ADD2: variants seen among roughly 807,000 people sequenced by gnomAD.
ADD2 encodes the protein adducin 2.
ADD2 carries 23 observed loss-of-function variants against 83.0 expected under a neutral mutation model. That is an observed-to-expected ratio of 0.28 (90% CI 0.20 to 0.39). ADD2 has a LOEUF of 0.39. ADD2 is among the 10% of genes least tolerant of loss of function. The pLI, the probability that ADD2 is intolerant of heterozygous loss-of-function variation, is 1.00. For synonymous variants in ADD2, 375 were observed against 375.4 expected (o/e 1.00, Z 0.01); for missense variants, 758 against 944.9 (o/e 0.80, Z 2.59).
intron 1 of ADD2, among the ~76,000 whole-genome samples, chr2:70,763,425 C>G (rs1259555171): frequency 2.0e-5 from 3 of 152,116 alleles, no homozygotes; most frequent in East Asian, 3.9e-4. Context: ...TTCCAAGAAT[C>G]TGTGTGTGTC....
At chr2:70,704,264 C>CCCCCCCCCCCCCCCCCCCCCCCCCCCA in intron 4 of ADD2, 57 bp downstream of exon 4, 2 of 425,204 alleles carry the variant, frequency 4.7e-6, no homozygotes, top group Non-Finnish European at 9.6e-6. Context: ...TCCCTCTCTT[C>CCCCCCCCCCCCCCCCCCCCCCCCCCCA]CCCACCCCAC....
At chr2:70,681,015 A>C (rs1325453610) in intron 10 of ADD2, among the ~76,000 whole-genome samples, 1 of 152,180 alleles carries the variant, frequency 6.6e-6, no homozygotes. Flanking sequence ...TGTAAAACTG[A>C]TGAAAGACCA....
chr2:70,704,229 G>A, intron 4 of ADD2, 92 bp downstream of exon 4: 20 of 1,469,804 alleles, frequency 1.4e-5, no homozygotes, highest in Non-Finnish European at 1.8e-5. Context: ...CCATAGCCTG[G>A]CAACCAGATG....
At chr2:70,687,651 T>C (rs1670808582) in intron 9 of ADD2, among the ~76,000 whole-genome samples, 1 of 152,122 alleles carries the variant, frequency 6.6e-6, no homozygotes, top group African/African-American at 2.4e-5. Context: ...TGTGTGTCTG[T>C]TGGGCATAGG....
rs1256991701 is a variant in ADD2, at chr2:70,663,187, C to A, written c.*238G>T. On this transcript the variant is annotated 3_prime_UTR_variant, in exon 16 of 16. Coordinates refer to ENST00000264436, the MANE Select transcript of ADD2 (RefSeq NM_001617.4). ...GAGCACTGGACTGGAAGTCAGGAGACCTGAATTCGAGTGCAGGCTCTGCCG... is the reference window on the plus strand; with the variant it reads ...GAGCACTGGACTGGAAGTCAGGAGAACTGAATTCGAGTGCAGGCTCTGCCG... 1.9e-6 allele frequency: 1 copy of A among 513,302 alleles called. No individual in the cohort carries two copies. Among genetic ancestry groups the A allele is most frequent in the African/African-American group, 1.9e-5 (1 of 52,260 alleles). The allele number at this position is 513,302 out of a possible 1,614,324, so 31.8% of individuals were successfully genotyped here.
At chr2:70,767,774 C>T (rs2104581219) in intron 1 of ADD2, 112 bp downstream of exon 1, 3 of 1,465,158 alleles carry the variant, frequency 2.0e-6, no homozygotes, top group Middle Eastern at 2.2e-4. Context: ...CGGCAACAGA[C>T]GCGCCCCACC....
intron 10 of ADD2, among the ~76,000 whole-genome samples, chr2:70,682,569 G>A (rs1236494451): frequency 6.6e-6 from 1 of 152,176 alleles, no homozygotes; most frequent in African/African-American, 2.4e-5. Context: ...TGGGAAAAAT[G>A]AATCAGATGG....
rs1670181414 is a variant in ADD2, at chr2:70,676,948, G to A, written c.1504-63C>T. On this transcript the variant is annotated intron_variant, in intron 12 of 15. Transcript: ENST00000264436. The surrounding 1 kb of genome is among the most constrained non-coding windows in gnomAD (Gnocchi z 4.8). Reference sequence around the variant, plus strand: ...TCAGGGTCAGCGTGGAGTTTGGGAGGGGGCATACGGGTGTGCCTGGGGTCT... The same window carrying A: ...TCAGGGTCAGCGTGGAGTTTGGGAGAGGGCATACGGGTGTGCCTGGGGTCT... 6.3e-7 allele frequency: 1 copy of A among 1,575,314 alleles called. No individual in the cohort carries two copies. Among genetic ancestry groups the A allele is most frequent in the Non-Finnish European group, 8.6e-7 (1 of 1,156,360 alleles).
In ADD2 at chr2:70,697,407, G is replaced by C. The variant is rs533314535; in HGVS notation, c.323-1011C>G. Among the ~76,000 whole-genome samples, 6 of 152,322 alleles carry C rather than the reference G, an allele frequency of 3.9e-5. 1 individual carries two copies. The highest frequency in any genetic ancestry group is 1.2e-4 in the African/African-American group (5 of 41,572). On this transcript the variant is annotated intron_variant, in intron 4 of 15. Transcript: ENST00000264436. The stretch of plus-strand genomic sequence containing the variant: ...ATAGTCTTGTCCTCAGGGCATGCAA[G>C]GGTCTAGGATATGACATCCAGTCTA...
At chr2:70,735,176 C>T (rs1405232681) in intron 1 of ADD2, among the ~76,000 whole-genome samples, 1 of 151,478 alleles carries the variant, frequency 6.6e-6, no homozygotes, top group Non-Finnish European at 1.5e-5. Flanking sequence ...GTTTTTTTGT[C>T]AGCACAGGAA....
Position 70,706,449 on chromosome 2 carries a change from A to T in ADD2, c.-34-7T>A, listed in dbSNP as rs781871502. On this transcript the variant is annotated splice_polypyrimidine_tract_variant and splice_region_variant and intron_variant, in intron 2 of 15. Transcript: ENST00000264436. The surrounding 1 kb of genome is among the most constrained non-coding windows in gnomAD (Gnocchi z 5.0). ...GCAATTCGCTCCTGGAACTCTACAG[A>T]GAAGGGGAGAGGGTATGCGGTCAGG... The T allele has an allele frequency of 6.4e-7, 1 of 1,573,562 alleles. No individual in the cohort carries two copies. The highest frequency in any genetic ancestry group is 1.7e-5 in the Admixed American group (1 of 57,910).
At chr2:70,704,227 T>C in intron 4 of ADD2, 94 bp downstream of exon 4, 1 of 1,475,528 alleles carries the variant, frequency 6.8e-7, no homozygotes, top group Non-Finnish European at 9.2e-7. Flanking sequence ...CTCCATAGCC[T>C]GGCAACCAGA....
intron 4 of ADD2, among the ~76,000 whole-genome samples, chr2:70,697,513 A>T (rs1457064343): frequency 1.3e-5 from 2 of 152,176 alleles, no homozygotes; most frequent in Admixed American, 6.5e-5. Flanking sequence ...CTGAATCAGC[A>T]TCTAGGAACT....
chr2:70,725,493 A>G (rs914023810), intron 1 of ADD2, among the ~76,000 whole-genome samples: 1 of 152,188 alleles, frequency 6.6e-6, no homozygotes, highest in Admixed American at 6.5e-5. Context: ...CACAGATGTA[A>G]TAAAGTTAAG....
Position 70,663,644 on chromosome 2 carries a change from C to T in ADD2, c.1962G>A (p.Glu654=), listed in dbSNP as rs1428232018. 1.9e-6 allele frequency: 3 copies of T among 1,613,972 alleles called. No homozygotes were observed. The highest frequency in any genetic ancestry group is 2.7e-5 in the African/African-American group (2 of 74,872). ...PEGVVVNGRE[E]EQTAEEILSK... ...TGAGGATTTCCTCTGCCGTCTGCTC[C>T]TCCTCCCTCCCGTTGACCACCACCC... Residue 654 remains glutamate (E), a synonymous_variant, in exon 16 of 16, where the codon GAG becomes GAA. Transcript: ENST00000264436.
chr2:70,704,265 C>CCCCCCCCCCCCCCCCCCCCCCCCA, intron 4 of ADD2, 56 bp downstream of exon 4: 4 of 442,438 alleles, frequency 9.0e-6, no homozygotes, highest in Non-Finnish European at 1.4e-5. Context: ...CCCTCTCTTC[C>CCCCCCCCCCCCCCCCCCCCCCCCA]CCACCCCACC....
intron 1 of ADD2, among the ~76,000 whole-genome samples, chr2:70,719,113 C>T (rs1222031645): frequency 6.6e-6 from 1 of 152,190 alleles, no homozygotes; most frequent in Non-Finnish European, 1.5e-5. Flanking sequence ...AAAGAAGATC[C>T]TGCTGGCCCC....
At chr2:70,746,545 T>C (rs1299319178) in intron 1 of ADD2, among the ~76,000 whole-genome samples, 3 of 152,064 alleles carry the variant, frequency 2.0e-5, no homozygotes, top group African/African-American at 7.2e-5. Context: ...TGAGTAGACA[T>C]GTGCAAGTTC....
At chr2:70,708,407 G>A (rs1553374916) in intron 2 of ADD2, among the ~76,000 whole-genome samples, 2 of 152,140 alleles carry the variant, frequency 1.3e-5, no homozygotes, top group South Asian at 2.1e-4. Flanking sequence ...ATTAGTCTGA[G>A]GTATGACCTG....
Sources: allele counts gnomAD v4.1 joint callset (sites outside exome capture counted in the v4.1 genomes callset), GRCh38; gene constraint gnomAD v4.1.1; non-coding constraint Gnocchi (gnomAD v3.1); transcripts MANE v1.5; gene names NCBI Gene and HGNC (gene_info 2026-07-23, HGNC 2026-07-21).